Variants in NEUROD4 observed in about 807,000 individuals in gnomAD.
NEUROD4 encodes the protein neuronal differentiation 4, also known as neurogenic differentiation factor 4.
A neutral mutation model predicts 19.8 loss-of-function variants in NEUROD4; 16 were observed. The observed-to-expected ratio is 0.81, with a 90% confidence interval of 0.55 to 1.23. The LOEUF (loss-of-function observed/expected upper bound fraction) is 1.23, where lower values mean the gene tolerates loss of function less well. Ranked by LOEUF, NEUROD4 falls within the 50% of genes most tolerant of loss-of-function variation. The pLI is 0.00. For missense variants in NEUROD4, 439 were observed against 398.6 expected (o/e 1.10, Z -0.86); for synonymous variants, 153 against 147.9 (o/e 1.03, Z -0.25).
rs574218302 is a variant in NEUROD4 at position 55,027,952 on chromosome 12, G to A, written c.*517G>A. 6.0e-6 allele frequency: 1 copy of A among 167,518 alleles called. No homozygotes were observed. The highest frequency in any genetic ancestry group is 2.1e-4 in the South Asian group (1 of 4,832). The allele number at this position is 167,518 out of a possible 1,614,324, so 10.4% of individuals were successfully genotyped here. ...ATGCTATGCATAGAATGATCAAATT[G>A]AATTATCAGAGGGATCACAAGGTAC... On this transcript the variant is annotated 3_prime_UTR_variant, in exon 2 of 2. Coordinates refer to ENST00000242994, the MANE Select transcript of NEUROD4 (RefSeq NM_021191.3).
rs1952758204 is a variant in NEUROD4, at chr12:55,028,469, C to T, written c.*1034C>T. On this transcript the variant is annotated 3_prime_UTR_variant, in exon 2 of 2. Transcript: ENST00000242994. Reference sequence around the variant, plus strand: ...ACTACTATAGTTCAGGGACTCTCTCCAGCTCACAGTTGCCCATGGGAAAAA... The same window carrying T: ...ACTACTATAGTTCAGGGACTCTCTCTAGCTCACAGTTGCCCATGGGAAAAA... 6.0e-6 allele frequency: 1 copy of T among 167,026 alleles called. No homozygotes were observed. The highest frequency in any genetic ancestry group is 1.5e-5 in the Non-Finnish European group (1 of 68,094). The allele number at this position is 167,026 out of a possible 1,614,324, so 10.3% of individuals were successfully genotyped here.
At chr12:55,025,006 A>T (rs1034827599) in intron 1 of NEUROD4, among the ~76,000 whole-genome samples, 1 of 152,262 alleles carries the variant, frequency 6.6e-6, no homozygotes, top group Non-Finnish European at 1.5e-5. Context: ...ATCAAAGAAC[A>T]GAAAACATTT....
intron 1 of NEUROD4, among the ~76,000 whole-genome samples, chr12:55,024,890 G>C (rs941095797): frequency 1.3e-5 from 2 of 152,172 alleles, no homozygotes; most frequent in Admixed American, 1.3e-4. Flanking sequence ...GGTAAATGAG[G>C]TTACAAGGAA....
chr12:55,024,127 T>A (rs1952699075), intron 1 of NEUROD4, among the ~76,000 whole-genome samples: 1 of 152,024 alleles, frequency 6.6e-6, no homozygotes, highest in Non-Finnish European at 1.5e-5. Flanking sequence ...GATAAGAGAA[T>A]GAGGATAAGG....
chr12:55,026,291 G>A (rs1194171384), intron 1 of NEUROD4, 140 bp from the exon 2 acceptor site: 6 of 612,468 alleles, frequency 9.8e-6, no homozygotes, highest in African/African-American at 1.9e-5. Context: ...AACTAAAGGA[G>A]TATTCTGGGA....
intron 1 of NEUROD4, among the ~76,000 whole-genome samples, chr12:55,022,396 A>G (rs1952679458): frequency 6.6e-6 from 1 of 152,114 alleles, no homozygotes; most frequent in African/African-American, 2.4e-5. Context: ...TCAAATTTAA[A>G]ACTAGATGTT....
chr12:55,027,003 TA>T lies in NEUROD4; in HGVS notation c.567del (p.Lys189AsnfsTer69). On this transcript the variant is annotated frameshift_variant, in exon 2 of 2. Coordinates refer to ENST00000242994, the MANE Select transcript of NEUROD4 (RefSeq NM_021191.3). LOFTEE classifies it high-confidence loss of function. ...QSVLLEKHED[K>X]SPICDSAISV... ...CTGTCCTCCTGGAGAAGCACGAGGA[TA>T]AATCTCCTATTTGTGACTCTGCCAT... 1 of 1,614,156 alleles carries T rather than the reference TA, an allele frequency of 6.2e-7. No homozygotes were observed. Among genetic ancestry groups the T allele is most frequent in the Non-Finnish European group, 8.5e-7 (1 of 1,180,006 alleles).
In NEUROD4 at chr12:55,027,134, T is replaced by C. The variant is rs34426727; in HGVS notation, c.695T>C (p.Leu232Ser). The C allele has an allele frequency of 2.5e-4, 399 of 1,614,190 alleles. No homozygotes were observed. The African/African-American group carries it at 4.2e-3, about 17-fold the overall frequency. The change falls in exon 2 of 2, where the codon TTG (leucine) becomes TCG (serine). Residue 232 changes from leucine to serine, a missense_variant. Coordinates refer to ENST00000242994, the MANE Select transcript of NEUROD4 (RefSeq NM_021191.3). Reference protein sequence around the residue: ...LHLKPQVFKSLGESSFGSHLP... With the variant: ...LHLKPQVFKSSGESSFGSHLP... ...CTCAAGCCCCAAGTATTCAAGAGTT[T>C]GGGAGAATCGTCCTTTGGGAGCCAT...
chr12:55,027,628 A>G lies in NEUROD4; in HGVS notation c.*193A>G, dbSNP rs183364334. 3 of 535,066 alleles carry G rather than the reference A, an allele frequency of 5.6e-6. No individual in the cohort carries two copies. Among genetic ancestry groups the G allele is most frequent in the Non-Finnish European group, 1.0e-5 (3 of 300,064 alleles). The allele number at this position is 535,066 out of a possible 1,614,324, so 33.1% of individuals were successfully genotyped here. On this transcript the variant is annotated 3_prime_UTR_variant, in exon 2 of 2. Transcript: ENST00000242994. ...TCTCACATTGCATTGATTTCTTTAT[A>G]GAGTCCTCAAGTGAAAATATTTGAT...
At chr12:55,020,341 G>C (rs1318657933) in intron 1 of NEUROD4, 28 bp downstream of exon 1, 1 of 152,270 alleles carries the variant, frequency 6.6e-6, no homozygotes, top group Non-Finnish European at 1.5e-5. Flanking sequence ...GTGGTAAGGG[G>C]GCTAAAGTTT....
chr12:55,022,596 GA>G (rs1163972493), intron 1 of NEUROD4, among the ~76,000 whole-genome samples: 1 of 152,110 alleles, frequency 6.6e-6, no homozygotes, highest in Non-Finnish European at 1.5e-5. Context: ...TCGCAATACA[GA>G]AGGTTCATGA....
chr12:55,022,632 AG>A (rs1292767242), intron 1 of NEUROD4, among the ~76,000 whole-genome samples: 2 of 152,148 alleles, frequency 1.3e-5, no homozygotes, highest in African/African-American at 4.8e-5. Context: ...GTGATTGAAT[AG>A]GAGTGTCAAG....
rs1021483813 is a variant in NEUROD4, at chr12:55,029,536, T to C, written c.*2101T>C. On this transcript the variant is annotated 3_prime_UTR_variant, in exon 2 of 2. Coordinates refer to ENST00000242994, the MANE Select transcript of NEUROD4 (RefSeq NM_021191.3). ...TCTCTTCCTTTCACGAAAATTCCTT[T>C]AGCCCCATAGATGTGCTTGCAAACC... 1.2e-5 allele frequency: 2 copies of C among 167,078 alleles called. No homozygotes were observed. The highest frequency in any genetic ancestry group is 2.4e-5 in the African/African-American group (1 of 41,464). The allele number at this position is 167,078 out of a possible 1,614,324, so 10.3% of individuals were successfully genotyped here. A position where few individuals can be genotyped will look rare whatever the true frequency, so the allele number is the denominator to read the frequency against.
At chr12:55,021,517 T>A (rs1039864699) in intron 1 of NEUROD4, among the ~76,000 whole-genome samples, 5 of 152,154 alleles carry the variant, frequency 3.3e-5, no homozygotes, top group African/African-American at 1.2e-4. Flanking sequence ...AGTTGAAATA[T>A]CTCCACAATA....
In NEUROD4 at chr12:55,029,671, A is replaced by G. The variant is rs1952771214; in HGVS notation, c.*2236A>G. The G allele has an allele frequency of 6.0e-6, 1 of 167,054 alleles. No homozygotes were observed. Among genetic ancestry groups the G allele is most frequent in the South Asian group, 2.1e-4 (1 of 4,832 alleles). 10.3% of individuals were successfully genotyped at this position (167,054 alleles called of 1,614,324 possible). On this transcript the variant is annotated 3_prime_UTR_variant, in exon 2 of 2. Coordinates refer to ENST00000242994, the MANE Select transcript of NEUROD4 (RefSeq NM_021191.3). ...GAATTACCTCTGTGATAATTTTTAT[A>G]AAAAGCAGCAATAATTCGAATGGCT...
intron 1 of NEUROD4, 22 bp from the exon 2 acceptor site, chr12:55,026,409 C>T (rs1952728978): frequency 6.4e-7 from 1 of 1,561,828 alleles, no homozygotes; most frequent in Non-Finnish European, 8.6e-7. Flanking sequence ...AGGAATTAAC[C>T]TTTGATATTT....
chr12:55,027,083 G>T lies in NEUROD4; in HGVS notation c.644G>T (p.Gly215Val), dbSNP rs149631320. 2.3e-3 allele frequency: 3,726 copies of T among 1,614,038 alleles called. 6 individuals carry two copies. Among genetic ancestry groups the T allele is most frequent in the Non-Finnish European group, 3.0e-3 (3,516 of 1,179,960 alleles). The stretch of plus-strand genomic sequence containing the variant: ...CCGGGGCTTCCTAGCCCTCCTTATG[G>T]TCATATGGAAACACATCTCCTTCAT... ...QSPGLPSPPY[G>V]HMETHLLHLK... Residue 215 changes from glycine (G) to valine (V), a missense_variant, in exon 2 of 2, where the codon GGT becomes GTT. Gly to Val is a moderately radical substitution (Grantham distance 109, BLOSUM62 -3). Transcript: ENST00000242994.
At position 55,029,969 on chromosome 12, in the gene NEUROD4, T is replaced by G. The variant is rs562489366; in HGVS notation, c.*2534T>G. The stretch of plus-strand genomic sequence containing the variant: ...AAATATTTTGTTTAAAATATGACTG[T>G]TTTTCCTCCCTTTTTCCTAGCAGAA... On this transcript the variant is annotated 3_prime_UTR_variant, in exon 2 of 2. Transcript: ENST00000242994. 1 of 166,606 alleles carries G rather than the reference T, an allele frequency of 6.0e-6. No homozygotes were observed. The highest frequency in any genetic ancestry group is 2.1e-4 in the South Asian group (1 of 4,828). The allele number at this position is 166,606 out of a possible 1,614,324, so 10.3% of individuals were successfully genotyped here. A position where few individuals can be genotyped will look rare whatever the true frequency, so the allele number is the denominator to read the frequency against.
At chr12:55,023,989 C>T (rs571818026) in intron 1 of NEUROD4, among the ~76,000 whole-genome samples, 1 of 152,244 alleles carries the variant, frequency 6.6e-6, no homozygotes, top group African/African-American at 2.4e-5. Flanking sequence ...GGCTAAATCC[C>T]CCACCTAGGA....
Sources: allele counts gnomAD v4.1 joint callset (sites outside exome capture counted in the v4.1 genomes callset), GRCh38; gene constraint gnomAD v4.1.1; transcripts MANE v1.5; gene names NCBI Gene and HGNC (gene_info 2026-07-23, HGNC 2026-07-21).